The following WARS2 variants were observed in gnomAD, a reference collection of about 807,000 sequenced individuals.
The protein encoded by WARS2 is tryptophanyl tRNA synthetase 2, mitochondrial.
In WARS2, 28 loss-of-function variants were observed where a neutral mutation model predicts 36.5. The ratio of observed to expected loss-of-function variants is 0.77; its 90% confidence interval spans 0.57 to 1.05. The LOEUF is 1.05. WARS2 is among the 50% of genes least tolerant of loss of function. The pLI is 0.00. For synonymous variants in WARS2, 174 were observed against 178.4 expected (o/e 0.98, Z 0.20); for missense variants, 435 against 456.8 (o/e 0.95, Z 0.44).
intron 1 of WARS2, among the ~76,000 whole-genome samples, chr1:119,105,417 A>C (rs1340788128): frequency 1.3e-5 from 2 of 152,172 alleles, no homozygotes; most frequent in Non-Finnish European, 2.9e-5. Context: ...AATCATCAGC[A>C]TATTCATGGT....
chr1:119,083,089 C>T (rs887863700), intron 1 of WARS2, among the ~76,000 whole-genome samples: 2 of 152,018 alleles, frequency 1.3e-5, no homozygotes, highest in Non-Finnish European at 2.9e-5. Flanking sequence ...ATTAGCCAGG[C>T]GCAGTGGTGG....
At chr1:119,079,230 G>A (rs587699109) in intron 1 of WARS2, among the ~76,000 whole-genome samples, 1 of 152,134 alleles carries the variant, frequency 6.6e-6, no homozygotes, top group Non-Finnish European at 1.5e-5. Context: ...TTTCAATTCT[G>A]ACTCATTAGT....
intron 4 of WARS2, among the ~76,000 whole-genome samples, chr1:119,034,823 G>A (rs543480376): frequency 6.6e-6 from 1 of 152,244 alleles, no homozygotes; most frequent in Non-Finnish European, 1.5e-5. Context: ...AACTATGTGG[G>A]ATGAAAAAAG....
chr1:119,111,420 G>C (rs1654627673), intron 1 of WARS2, among the ~76,000 whole-genome samples: 1 of 152,134 alleles, frequency 6.6e-6, no homozygotes, highest in South Asian at 2.1e-4. Flanking sequence ...AGGATGGCTG[G>C]AAGAGGCTGA....
intron 2 of WARS2, among the ~76,000 whole-genome samples, chr1:119,061,676 A>G (rs1405322974): frequency 6.6e-6 from 1 of 152,068 alleles, no homozygotes; most frequent in Non-Finnish European, 1.5e-5. Flanking sequence ...TCTGTCTGTA[A>G]GTACAGAAAT....
At chr1:119,035,354 C>T (rs946550039) in intron 4 of WARS2, among the ~76,000 whole-genome samples, 1 of 151,936 alleles carries the variant, frequency 6.6e-6, no homozygotes, top group South Asian at 2.1e-4. Context: ...AAGCAGCGAG[C>T]CATCATAGGC....
In WARS2 at chr1:119,049,044, C is replaced by G. The variant is rs550432177; in HGVS notation, c.349-3382G>C. On this transcript the variant is annotated intron_variant, in intron 2 of 5. Coordinates refer to ENST00000235521, the MANE Select transcript of WARS2 (RefSeq NM_015836.4). The stretch of plus-strand genomic sequence containing the variant: ...CGGAGACCAAGCCATTGCACTCTAG[C>G]GTGGGCAACGGAGCGAGACTCTGTC... Among the ~76,000 whole-genome samples the G allele has an allele frequency of 7.0e-4, 107 of 152,064 alleles. 1 individual carries two copies. Among genetic ancestry groups the G allele is most frequent in the Non-Finnish European group, 1.4e-3 (98 of 67,992 alleles).
chr1:119,103,566 A>G (rs1654025140), intron 1 of WARS2, among the ~76,000 whole-genome samples: 1 of 151,956 alleles, frequency 6.6e-6, no homozygotes. Flanking sequence ...TTTGTACTTT[A>G]ACTTTTTTGT....
intron 1 of WARS2, chr1:119,082,612 G>A (rs1652284185): frequency 4.2e-6 from 1 of 235,768 alleles, no homozygotes; most frequent in South Asian, 1.5e-4. Context: ...ATGCAATTTA[G>A]AACTTCTTGG....
At chr1:119,126,898 A>T in intron 1 of WARS2, 1 of 798,324 alleles carries the variant, frequency 1.3e-6, no homozygotes. Flanking sequence ...TGATTGTTGC[A>T]TTTTTTAGTA....
chr1:119,129,156 C>T (rs1183126581), intron 1 of WARS2, among the ~76,000 whole-genome samples: 1 of 152,146 alleles, frequency 6.6e-6, no homozygotes, highest in Non-Finnish European at 1.5e-5. Flanking sequence ...ATTTTGGAAC[C>T]TAATTCCCAA....
At chr1:119,101,779 G>A (rs587699334) in intron 1 of WARS2, among the ~76,000 whole-genome samples, 6 of 152,224 alleles carry the variant, frequency 3.9e-5, no homozygotes, top group African/African-American at 1.4e-4. Context: ...GCAGGAAAGA[G>A]CAGGCTCCTT....
At chr1:119,119,121 G>T (rs1294794633) in intron 1 of WARS2, among the ~76,000 whole-genome samples, 1 of 152,040 alleles carries the variant, frequency 6.6e-6, no homozygotes, top group African/African-American at 2.4e-5. Flanking sequence ...CCACTTAAAA[G>T]ATACAGAATG....
intron 1 of WARS2, among the ~76,000 whole-genome samples, chr1:119,090,622 C>T (rs974441447): frequency 3.3e-5 from 5 of 152,072 alleles, no homozygotes; most frequent in African/African-American, 1.2e-4. Context: ...CCTGTAATGC[C>T]AATACTTTGG....
At chr1:119,127,264 T>TAAGGC in intron 1 of WARS2, 1 of 751,578 alleles carries the variant, frequency 1.3e-6, no homozygotes, top group Non-Finnish European at 2.3e-6. Context: ...CCGCCTTTCA[T>TAAGGC]AAGGCGCTTG....
chr1:119,113,335 G>A (rs1654768508), intron 1 of WARS2, among the ~76,000 whole-genome samples: 1 of 152,062 alleles, frequency 6.6e-6, no homozygotes, highest in Non-Finnish European at 1.5e-5. Context: ...ATATGCCCAA[G>A]CAGGTGAAAC....
intron 2 of WARS2, among the ~76,000 whole-genome samples, chr1:119,061,945 A>G (rs915733743): frequency 6.6e-6 from 1 of 152,178 alleles, no homozygotes; most frequent in African/African-American, 2.4e-5. Context: ...AACTATAAAT[A>G]CCTGAGAGAA....
chr1:119,102,209 T>C (rs780970774), intron 1 of WARS2, among the ~76,000 whole-genome samples: 19 of 152,202 alleles, frequency 1.2e-4, no homozygotes, highest in Non-Finnish European at 2.5e-4. Context: ...AGTCATGAAA[T>C]AGTAATTCCC....
At chr1:119,069,158 C>A (rs1204798377) in intron 2 of WARS2, among the ~76,000 whole-genome samples, 4 of 152,022 alleles carry the variant, frequency 2.6e-5, no homozygotes, top group Non-Finnish European at 4.4e-5. Context: ...AGAAAAATAG[C>A]CTTTATAATT....
Sources: allele counts gnomAD v4.1 joint callset (sites outside exome capture counted in the v4.1 genomes callset), GRCh38; gene constraint gnomAD v4.1.1; transcripts MANE v1.5; gene names NCBI Gene and HGNC (gene_info 2026-07-23, HGNC 2026-07-21).